Variants in CBR3 observed in about 807,000 individuals in gnomAD.
CBR3 encodes carbonyl reductase [NADPH] 3.
In CBR3, 14 loss-of-function variants were observed where a neutral mutation model predicts 11.6. The ratio of observed to expected loss-of-function variants is 1.20; its 90% CI spans 0.79 to 1.88. The LOEUF (loss-of-function observed/expected upper bound fraction) is 1.88, where lower values mean the gene tolerates loss of function less well. CBR3 is among the 40% of genes most tolerant of loss of function. The pLI is 0.00. For missense variants in CBR3, 308 were observed against 357.3 expected, an observed-to-expected ratio of 0.86 and a Z score of 1.11; for synonymous variants, 125 against 145.6, an observed-to-expected ratio of 0.86 and a Z score of 1.02.
rs374085042 is a variant in CBR3 at position 36,137,943 on chromosome 21, C to T, written c.397+11C>T. ...TAATGAAACCTCATGGTAAGCCCAA[C>T]GTGTGGACAGTCGGGTTGCATCCCT... On this transcript the variant is annotated intron_variant, in intron 2 of 2. Coordinates refer to ENST00000290354, the MANE Select transcript of CBR3 (RefSeq NM_001236.4). The T allele has an allele frequency of 7.6e-6, 11 of 1,453,734 alleles. No homozygotes were observed. Among genetic ancestry groups the T allele is most frequent in the African/African-American group, 2.8e-5 (2 of 71,176 alleles). The allele number at this position is 1,453,734 out of a possible 1,614,324, so 90.1% of individuals were successfully genotyped here.
chr21:36,135,712 C>T (rs370576041), intron 1 of CBR3: 100 of 495,144 alleles, frequency 2.0e-4, no homozygotes, highest in East Asian at 1.5e-3. Flanking sequence ...CTGTGAGGGC[C>T]TGTGCGCGGC....
rs531654592 is a variant in CBR3 at position 36,139,533 on chromosome 21, C to T, written c.397+1601C>T. On this transcript the variant is annotated intron_variant, in intron 2 of 2. Coordinates refer to ENST00000290354, the MANE Select transcript of CBR3 (RefSeq NM_001236.4). ...AGTAGCTGGGACTACAGGCGTGTGCCGCTACGCCCGGCTAATTTTTATATT... is the reference window on the plus strand; with the variant it reads ...AGTAGCTGGGACTACAGGCGTGTGCTGCTACGCCCGGCTAATTTTTATATT... Among the ~76,000 whole-genome samples the T allele has an allele frequency of 2.8e-4, 43 of 152,064 alleles. 1 individual carries two copies. The highest frequency in any genetic ancestry group is 3.9e-4 in the East Asian group (2 of 5,152).
At chr21:36,139,602 G>A (rs547684138) in intron 2 of CBR3, among the ~76,000 whole-genome samples, 66 of 151,806 alleles carry the variant, frequency 4.3e-4, no homozygotes, top group African/African-American at 1.5e-3. Flanking sequence ...GGCTGGTCTC[G>A]AACTCCTGAC....
At chr21:36,142,436 A>AAAAAACAAAAAAAC (rs1555883301) in intron 2 of CBR3, among the ~76,000 whole-genome samples, 3 of 119,692 alleles carry the variant, frequency 2.5e-5, no homozygotes, top group Non-Finnish European at 5.2e-5. Flanking sequence ...CATCTCAAAA[A>AAAAAACAAAAAAAC]AAAAAAAAAA....
intron 2 of CBR3, among the ~76,000 whole-genome samples, chr21:36,140,019 TG>T (rs2065696714): frequency 6.6e-6 from 1 of 150,682 alleles, no homozygotes; most frequent in Non-Finnish European, 1.5e-5. Flanking sequence ...CTCAAGTAGC[TG>T]GGTTTACAGG....
chr21:36,142,445 A>AAAAAAAAAAAAAAAAAAAAC (rs1568981467), intron 2 of CBR3, among the ~76,000 whole-genome samples: 2 of 148,828 alleles, frequency 1.3e-5, no homozygotes, highest in African/African-American at 5.1e-5. Context: ...AAAAAAAAAA[A>AAAAAAAAAAAAAAAAAAAAC]AAACGCAATC....
At chr21:36,144,400 G>A (rs2065738644) in intron 2 of CBR3, among the ~76,000 whole-genome samples, 1 of 152,124 alleles carries the variant, frequency 6.6e-6, no homozygotes, top group Non-Finnish European at 1.5e-5. Flanking sequence ...GGAGGTTGCA[G>A]TGAGCCGAGA....
intron 1 of CBR3, 187 bp downstream of exon 1, chr21:36,135,668 C>T: frequency 1.7e-6 from 1 of 589,794 alleles, no homozygotes; most frequent in South Asian, 2.8e-5. Flanking sequence ...CCCAGGCGGG[C>T]CCGGGCGACA....
rs570649124 is a variant in CBR3 at position 36,141,414 on chromosome 21, T to A, written c.397+3482T>A. Reference sequence around the variant, plus strand: ...CTATTTTATCATAAAATGTTGAGTATCTTATGTAATTTATTGAATCTGTAC... The same window carrying A: ...CTATTTTATCATAAAATGTTGAGTAACTTATGTAATTTATTGAATCTGTAC... On this transcript the variant is annotated intron_variant, in intron 2 of 2. Coordinates refer to ENST00000290354, the MANE Select transcript of CBR3 (RefSeq NM_001236.4). 7 of 152,254 alleles carry A rather than the reference T, an allele frequency of 4.6e-5. No individual in the cohort carries two copies. In the South Asian group the frequency reaches 1.5e-3, roughly 32 times the overall value. 9.4% of individuals were successfully genotyped at this position (152,254 alleles called of 1,614,324 possible).
intron 2 of CBR3, among the ~76,000 whole-genome samples, chr21:36,144,558 C>T (rs77579043): frequency 2.5e-4 from 27 of 109,016 alleles, no homozygotes; most frequent in African/African-American, 6.9e-4. Context: ...TCCTGGGAGG[C>T]GGAGGTTGCA....
In CBR3 at chr21:36,135,384, C is replaced by T. The variant is rs2065650181; in HGVS notation, c.192C>T (p.Ile64=). The T allele has an allele frequency of 4.3e-6, 7 of 1,613,374 alleles. No individual in the cohort carries two copies. The highest frequency in any genetic ancestry group is 5.9e-6 in the Non-Finnish European group (7 of 1,179,834). Residue 64 remains isoleucine, a synonymous_variant, in exon 1 of 3, where the codon ATC becomes ATT. Transcript: ENST00000290354. ...GLSPRFHQLD[I]DDLQSIRALR... The stretch of plus-strand genomic sequence containing the variant: ...GCCCGCGCTTCCACCAACTGGACAT[C>T]GACGACTTGCAGAGCATCCGCGCCC...
intron 2 of CBR3, among the ~76,000 whole-genome samples, chr21:36,144,113 G>A (rs1013555228): frequency 6.6e-5 from 10 of 152,156 alleles, no homozygotes; most frequent in Admixed American, 6.5e-4. Flanking sequence ...TCAGAAAGCA[G>A]GTTTATAAGT....
intron 2 of CBR3, among the ~76,000 whole-genome samples, chr21:36,143,162 G>A (rs2065726813): frequency 2.0e-5 from 3 of 151,928 alleles, no homozygotes; most frequent in Non-Finnish European, 2.9e-5. Context: ...AAAATTAGCT[G>A]GGCATGGTGG....
At chr21:36,142,838 G>A (rs1017234358) in intron 2 of CBR3, among the ~76,000 whole-genome samples, 1 of 152,162 alleles carries the variant, frequency 6.6e-6, no homozygotes, top group Non-Finnish European at 1.5e-5. Context: ...GAAAGTGAGA[G>A]AGAGAAGGAA....
chr21:36,144,530 A>T (rs1392902863), intron 2 of CBR3, among the ~76,000 whole-genome samples: 1 of 96,140 alleles, frequency 1.0e-5, no homozygotes, highest in Non-Finnish European at 2.2e-5. Flanking sequence ...GGGAGGCTGA[A>T]GCAGTAGAAT....
chr21:36,135,569 G>C, intron 1 of CBR3, 88 bp downstream of exon 1: 1 of 1,306,900 alleles, frequency 7.7e-7, no homozygotes. Context: ...GTCCACTTGA[G>C]TGACCGAGGA....
chr21:36,137,793 ACTTT>A (rs775403505), intron 1 of CBR3, 28 bp from the exon 2 acceptor site: 6 of 1,264,332 alleles, frequency 4.7e-6, no homozygotes, highest in Admixed American at 1.7e-5. Context: ...GAAAAATATG[ACTTT>A]CTTTTTGTTT....
chr21:36,137,499 AAAGAAAGGAAGGAAGGAAGGAAGG>A (rs922100467), intron 1 of CBR3: 10 of 182,444 alleles, frequency 5.5e-5, no homozygotes, highest in South Asian at 2.2e-4. Context: ...AAAAGAAAAG[AAAGAAAGGAAGGAAGGAAGGAAGG>A]AAGGAAGGAA....
At position 36,141,946 on chromosome 21, in the gene CBR3, G is replaced by A. The variant is rs1388982147; in HGVS notation, c.397+4014G>A. The A allele has an allele frequency of 3.1e-6, 3 of 983,348 alleles. No individual in the cohort carries two copies. The African/African-American group carries it at 5.2e-5, about 17-fold the overall frequency. 60.9% of individuals were successfully genotyped at this position (983,348 alleles called of 1,614,324 possible). On this transcript the variant is annotated intron_variant, in intron 2 of 2. Coordinates refer to ENST00000290354, the MANE Select transcript of CBR3 (RefSeq NM_001236.4). ...TAGCCGCCAAGTTTCTGAGAACAAAGCTGTTTAGAAAGCAATGAAGAACAC... is the reference window on the plus strand; with the variant it reads ...TAGCCGCCAAGTTTCTGAGAACAAAACTGTTTAGAAAGCAATGAAGAACAC...
Sources: allele counts gnomAD v4.1 joint callset (sites outside exome capture counted in the v4.1 genomes callset), GRCh38; gene constraint gnomAD v4.1.1; transcripts MANE v1.5; gene names NCBI Gene and HGNC (gene_info 2026-07-23, HGNC 2026-07-21).